Variants in CELSR1 observed in about 807,000 individuals in gnomAD.
CELSR1 encodes the protein adhesion G protein-coupled receptor C1.
Under a neutral mutation model 249.1 loss-of-function variants are expected in CELSR1, and 110 were observed. The ratio of observed to expected loss-of-function variants is 0.44; its 90% confidence interval spans 0.38 to 0.52. CELSR1 has a LOEUF of 0.52. CELSR1 is among the 20% of genes least tolerant of loss of function. CELSR1 has a pLI of 0.00. For missense variants in CELSR1, 4,109 were observed against 4,296.4 expected, an observed-to-expected ratio of 0.96 and a Z score of 1.22; for synonymous variants, 2,113 against 1,900.0, an observed-to-expected ratio of 1.11 and a Z score of -2.92.
chr22:46,391,664 C>A lies in CELSR1; in HGVS notation c.6117G>T (p.Pro2039=), dbSNP rs979569401. The A allele has an allele frequency of 6.2e-7, 1 of 1,606,650 alleles. No homozygotes were observed. The highest frequency in any genetic ancestry group is 1.3e-5 in the African/African-American group (1 of 74,744). ...AGCCGAGCGTGGTGACCTCGGCAAACGGGTTGTCGCAGCGGTTGCACTGGC... is the reference window on the plus strand; with the variant it reads ...AGCCGAGCGTGGTGACCTCGGCAAAAGGGTTGTCGCAGCGGTTGCACTGGC... ...IGRQCNRCDN[P]FAEVTTLGCE... Residue 2039 remains proline, a synonymous_variant, in exon 15 of 35, where the codon CCG becomes CCT. Transcript: ENST00000674500. This position sits in a 1 kb window ranked among gnomAD's most constrained non-coding sequence, Gnocchi z 4.3.
At chr22:46,521,063 T>G (rs5768880) in intron 1 of CELSR1, among the ~76,000 whole-genome samples, 2 of 152,032 alleles carry the variant, frequency 1.3e-5, no homozygotes, top group Non-Finnish European at 2.9e-5. Context: ...ATTTCCGTCC[T>G]TTTTCAGGCT....
intron 19 of CELSR1, 73 bp downstream of exon 19, chr22:46,386,324 TCACCC>T: frequency 7.1e-7 from 1 of 1,404,584 alleles, no homozygotes. Flanking sequence ...CCCACCTGCT[TCACCC>T]CATGGGGGCC....
rs1235749413 is a variant in CELSR1, at chr22:46,433,627, C to T, written c.4523-146G>A. 1.6e-5 allele frequency: 10 copies of T among 609,170 alleles called. No homozygotes were observed. The highest frequency in any genetic ancestry group is 1.6e-4 in the South Asian group (8 of 51,276). The allele number at this position is 609,170 out of a possible 1,614,324, so 37.7% of individuals were successfully genotyped here. A position where few individuals can be genotyped will look rare whatever the true frequency, so the allele number is the denominator to read the frequency against. On this transcript the variant is annotated intron_variant, in intron 4 of 34. Transcript: ENST00000674500. This position sits in a 1 kb window ranked among gnomAD's most constrained non-coding sequence, Gnocchi z 5.7. ...CTCCCCACGGCACCATGGTGGGAGG[C>T]GCCCACCACTCCATCCATTTTCTTT...
At chr22:46,489,255 T>C (rs1437921648) in intron 1 of CELSR1, among the ~76,000 whole-genome samples, 3 of 151,902 alleles carry the variant, frequency 2.0e-5, no homozygotes, top group African/African-American at 7.3e-5. Flanking sequence ...CAGCTGGTCA[T>C]TGTCCTGGGG....
In CELSR1 at chr22:46,483,329, A is replaced by G. The variant is rs529907056; in HGVS notation, c.3545-18984T>C. Among the ~76,000 whole-genome samples, 3 of 149,736 alleles carry G rather than the reference A, an allele frequency of 2.0e-5. No homozygotes were observed. The South Asian group carries it at 6.4e-4, about 32-fold the overall frequency. ...GTGAGACCCGCCTCACTGGGTGTCTAGGGCGCAGTCCTCACAGTTGAGCAC... is the reference window on the plus strand; with the variant it reads ...GTGAGACCCGCCTCACTGGGTGTCTGGGGCGCAGTCCTCACAGTTGAGCAC... On this transcript the variant is annotated intron_variant, in intron 1 of 34. Coordinates refer to ENST00000674500, the MANE Select transcript of CELSR1 (RefSeq NM_001378328.1).
At chr22:46,439,496 A>AT in intron 2 of CELSR1, 85 bp from the exon 3 acceptor site, 1 of 1,087,850 alleles carries the variant, frequency 9.2e-7, no homozygotes, top group Admixed American at 2.1e-5. Flanking sequence ...CCCTGGACAC[A>AT]CCCCAGCCAC....
Position 46,380,347 on chromosome 22 carries a change from T to A in CELSR1, c.7256+441A>T, listed in dbSNP as rs148923776. 1.3e-3 allele frequency among the ~76,000 whole-genome samples: 199 copies of A among 152,280 alleles called. 1 individual carries two copies. The highest frequency in any genetic ancestry group is 4.5e-3 in the African/African-American group (185 of 41,554). The stretch of plus-strand genomic sequence containing the variant: ...AGCCAGTCCCCACAGCTAGACTGTG[T>A]CAGCCTCTCGGGCAAGACCGTCAGC... On this transcript the variant is annotated intron_variant, in intron 22 of 34. Transcript: ENST00000674500. This position sits in a 1 kb window ranked among gnomAD's most constrained non-coding sequence, Gnocchi z 5.1.
chr22:46,426,872 C>T (rs1226964438), intron 5 of CELSR1, among the ~76,000 whole-genome samples: 1 of 152,234 alleles, frequency 6.6e-6, no homozygotes, highest in Non-Finnish European at 1.5e-5. Flanking sequence ...CCTGCAGGTG[C>T]TCAGGCTTCC....
rs1047192516 is a variant in CELSR1 at position 46,433,290 on chromosome 22, C to T, written c.4611+103G>A. 13 of 826,990 alleles carry T rather than the reference C, an allele frequency of 1.6e-5. No homozygotes were observed. In the African/African-American group the frequency reaches 2.2e-4, roughly 14 times the overall value. The allele number at this position is 826,990 out of a possible 1,614,324, so 51.2% of individuals were successfully genotyped here. ...CCTCAGGTAATCCACCTGCCTTGGC[C>T]TCTCAAAGTGCTGGGATTACAGGCG... On this transcript the variant is annotated intron_variant, in intron 5 of 34. Coordinates refer to ENST00000674500, the MANE Select transcript of CELSR1 (RefSeq NM_001378328.1). The surrounding 1 kb of genome is among the most constrained non-coding windows in gnomAD (Gnocchi z 5.7).
chr22:46,437,214 G>A lies in CELSR1; in HGVS notation c.4407-925C>T, dbSNP rs929605425. Among the ~76,000 whole-genome samples, 1 of 152,128 alleles carries A rather than the reference G, an allele frequency of 6.6e-6. No homozygotes were observed. The highest frequency in any genetic ancestry group is 1.5e-5 in the Non-Finnish European group (1 of 68,020). On this transcript the variant is annotated intron_variant, in intron 3 of 34. Coordinates refer to ENST00000674500, the MANE Select transcript of CELSR1 (RefSeq NM_001378328.1). This position sits in a 1 kb window ranked among gnomAD's most constrained non-coding sequence, Gnocchi z 4.9. ...TTCTCAGAAATCCTTCTCCCACCCA[G>A]GGGCCCCGGGCAGGGGGTCTTCAGA...
chr22:46,374,317 CAA>C lies in CELSR1; in HGVS notation c.7585-1262_7585-1261del, dbSNP rs1295549586. The stretch of plus-strand genomic sequence containing the variant: ...AACCCACGAAACCACCTTTTGAAAA[CAA>C]AGTGCGAGGGCTGTGCCATCCTGGC... On this transcript the variant is annotated intron_variant, in intron 24 of 34. Coordinates refer to ENST00000674500, the MANE Select transcript of CELSR1 (RefSeq NM_001378328.1). This position sits in a 1 kb window ranked among gnomAD's most constrained non-coding sequence, Gnocchi z 4.3. Among the ~76,000 whole-genome samples, 4 of 152,324 alleles carry C rather than the reference CAA, an allele frequency of 2.6e-5. No individual in the cohort carries two copies. Among genetic ancestry groups the C allele is most frequent in the Non-Finnish European group, 4.4e-5 (3 of 68,024 alleles).
In CELSR1 at chr22:46,372,917, G is replaced by A. The variant is rs149691844; in HGVS notation, c.7725C>T (p.Tyr2575=). The change falls in exon 25 of 35, where the codon TAC becomes TAT. Residue 2575 remains tyrosine (Y), a synonymous_variant. Coordinates refer to ENST00000674500, the MANE Select transcript of CELSR1 (RefSeq NM_001378328.1). The part of the protein sequence containing the change: ...NIDTGPMRFY[Y]VVGWGIPAIV... ...TGGCCGGGATGCCCCAGCCCACGAC[G>A]TAGTAGAACCGCATGGGCCCCGTGT... The A allele has an allele frequency of 1.8e-5, 29 of 1,611,854 alleles. No individual in the cohort carries two copies. The Admixed American group carries it at 2.7e-4, about 15-fold the overall frequency.
At chr22:46,453,385 C>T (rs966612086) in intron 2 of CELSR1, among the ~76,000 whole-genome samples, 1 of 152,206 alleles carries the variant, frequency 6.6e-6, no homozygotes, top group Non-Finnish European at 1.5e-5. Context: ...CCAGGACAGA[C>T]AGTGCACTAG....
rs2079738304 is a variant in CELSR1, at chr22:46,440,911, G to C, written c.4184-1500C>G. On this transcript the variant is annotated intron_variant, in intron 2 of 34. Coordinates refer to ENST00000674500, the MANE Select transcript of CELSR1 (RefSeq NM_001378328.1). The surrounding 1 kb of genome is among the most constrained non-coding windows in gnomAD (Gnocchi z 4.7). ...CTCACACCTATCATCCCAGCACTTT[G>C]GGAGGCTGAGGTGGGTGGATGTCTT... Among the ~76,000 whole-genome samples, 1 of 152,140 alleles carries C rather than the reference G, an allele frequency of 6.6e-6. No individual in the cohort carries two copies. Among genetic ancestry groups the C allele is most frequent in the African/African-American group, 2.4e-5 (1 of 41,426 alleles).
At chr22:46,420,299 C>T (rs1210012980) in intron 5 of CELSR1, among the ~76,000 whole-genome samples, 1 of 148,598 alleles carries the variant, frequency 6.7e-6, no homozygotes, top group African/African-American at 2.6e-5. Context: ...CACTCAGCCA[C>T]TCATGTGCAC....
chr22:46,498,173 C>T (rs1429731747), intron 1 of CELSR1, among the ~76,000 whole-genome samples: 6 of 140,200 alleles, frequency 4.3e-5, no homozygotes, highest in East Asian at 4.3e-4. Context: ...CACTTTAACA[C>T]GGGAGGTGGA....
At position 46,450,966 on chromosome 22, in the gene CELSR1, A is replaced by C. The variant is rs1390991322; in HGVS notation, c.4184-11555T>G. Among the ~76,000 whole-genome samples the C allele has an allele frequency of 2.6e-5, 4 of 152,226 alleles. No homozygotes were observed. In the East Asian group the frequency reaches 5.8e-4, roughly 22 times the overall value. On this transcript the variant is annotated intron_variant, in intron 2 of 34. Coordinates refer to ENST00000674500, the MANE Select transcript of CELSR1 (RefSeq NM_001378328.1). ...TACGCACCTGCGCAAGGGCGAGGTT[A>C]CTATTACTGGTCCCTGTTCCTCCTG... is the stretch of plus-strand genomic sequence containing the variant.
chr22:46,398,604 G>T lies in CELSR1; in HGVS notation c.5446C>A (p.Leu1816Met). The change falls in exon 11 of 35, where the codon CTG becomes ATG. Residue 1816 changes from leucine to methionine, a missense_variant. Around this residue, in one of 7 missense-constraint regions of CELSR1, gnomAD observed 1,805 missense variants for 1,831.6 expected, o/e 0.99. Coordinates refer to ENST00000674500, the MANE Select transcript of CELSR1 (RefSeq NM_001378328.1). The surrounding 1 kb of genome is among the most constrained non-coding windows in gnomAD (Gnocchi z 7.2). ...KADIGGMLPG[L>M]TVRSVVVGGA... ...CCGACCACCACGCTCCTTACCGTCA[G>T]CCCGGGAAGCATGCCCCCGATATCT... is the stretch of plus-strand genomic sequence containing the variant. 6.2e-7 allele frequency: 1 copy of T among 1,613,924 alleles called. No individual in the cohort carries two copies. Among genetic ancestry groups the T allele is most frequent in the Non-Finnish European group, 8.5e-7 (1 of 1,179,934 alleles).
chr22:46,455,160 G>C (rs1334329249), intron 2 of CELSR1, among the ~76,000 whole-genome samples: 1 of 152,224 alleles, frequency 6.6e-6, no homozygotes, highest in Non-Finnish European at 1.5e-5. Context: ...AAAGCCTTCA[G>C]AAAGAGCACA....
Sources: allele counts gnomAD v4.1 joint callset (sites outside exome capture counted in the v4.1 genomes callset), GRCh38; gene constraint gnomAD v4.1.1; regional missense constraint gnomAD v4.1.1; non-coding constraint Gnocchi (gnomAD v3.1); transcripts MANE v1.5; gene names NCBI Gene and HGNC (gene_info 2026-07-23, HGNC 2026-07-21).